The following SSUH2 variants were observed in gnomAD, a reference collection of about 807,000 sequenced individuals.
SSUH2 encodes protein SSUH2 homolog.
A neutral mutation model predicts 55.3 loss-of-function variants in SSUH2; 47 were observed. The observed-to-expected ratio is 0.85, with a 90% CI of 0.67 to 1.08. SSUH2 has a LOEUF of 1.08. Ranked by LOEUF, SSUH2 falls within the 50% of genes least tolerant of loss-of-function variation. The probability of loss-of-function intolerance (pLI) is 0.00; values close to 1 mark genes in which losing one functional copy is unlikely to be tolerated. For missense variants in SSUH2, 535 were observed against 490.7 expected, an observed-to-expected ratio of 1.09 and a Z score of -0.85; for synonymous variants, 212 against 191.5, an observed-to-expected ratio of 1.11 and a Z score of -0.89.
At chr3:8,665,657 G>A (rs114330735) in intron 5 of SSUH2, among the ~76,000 whole-genome samples, 5 of 152,208 alleles carry the variant, frequency 3.3e-5, no homozygotes, top group South Asian at 4.1e-4. Context: ...GTTCACCAAC[G>A]CAAAAGCCAA....
Position 8,635,290 on chromosome 3 carries a change from T to G in SSUH2, c.209+10A>C. On this transcript the variant is annotated intron_variant, in intron 3 of 11. Coordinates refer to ENST00000544814, the MANE Select transcript of SSUH2 (RefSeq NM_001256748.3). The stretch of plus-strand genomic sequence containing the variant: ...ATGCACACAGTCACAGAGTACAACC[T>G]GAAACTCACCTGTGTTCCAGGAACG... 6.5e-7 allele frequency: 1 copy of G among 1,533,852 alleles called. No individual in the cohort carries two copies. Among genetic ancestry groups the G allele is most frequent in the Non-Finnish European group, 8.7e-7 (1 of 1,145,328 alleles).
intron 1 of SSUH2, among the ~76,000 whole-genome samples, chr3:8,644,491 G>C (rs1701394123): frequency 6.6e-6 from 1 of 152,168 alleles, no homozygotes; most frequent in Non-Finnish European, 1.5e-5. Flanking sequence ...CAAGCTACAG[G>C]TAGGCTTTAC....
chr3:8,670,393 T>C (rs1190366982), intron 5 of SSUH2, among the ~76,000 whole-genome samples: 1 of 152,028 alleles, frequency 6.6e-6, no homozygotes, highest in Non-Finnish European at 1.5e-5. Flanking sequence ...ACACATGATG[T>C]ACACCACCTG....
chr3:8,656,519 C>T (rs987940024), intron 7 of SSUH2, among the ~76,000 whole-genome samples: 1 of 152,176 alleles, frequency 6.6e-6, no homozygotes, highest in Non-Finnish European at 1.5e-5. Flanking sequence ...AGGGACGGAG[C>T]AACAGCCATT....
chr3:8,633,562 A>T, intron 4 of SSUH2, 104 bp downstream of exon 4: 22 of 773,344 alleles, frequency 2.8e-5, no homozygotes, highest in Non-Finnish European at 4.4e-5. Context: ...TGCCCCCAGG[A>T]CTCCTTTCCC....
chr3:8,664,684 G>A (rs942938678), intron 5 of SSUH2, among the ~76,000 whole-genome samples: 1 of 152,172 alleles, frequency 6.6e-6, no homozygotes. Flanking sequence ...GCCCAGATCC[G>A]GCTCCCAGCT....
At chr3:8,669,853 TG>T (rs35261953) in intron 5 of SSUH2, among the ~76,000 whole-genome samples, 73,203 of 151,218 alleles carry the variant, frequency 0.48, 18,359 homozygotes, top group East Asian at 0.61. Flanking sequence ...GTTGAGGAAC[TG>T]TCACAGATCG....
chr3:8,635,418 G>T, intron 2 of SSUH2, 37 bp from the exon 3 acceptor site: 1 of 1,425,742 alleles, frequency 7.0e-7, no homozygotes, highest in East Asian at 2.5e-5. Flanking sequence ...GACAGCCCAG[G>T]CCAAAGGAAC....
At chr3:8,659,674 G>A in intron 6 of SSUH2, 1 of 426,986 alleles carries the variant, frequency 2.3e-6, no homozygotes, top group South Asian at 1.7e-5. Context: ...ACCCTCAATG[G>A]GCATGGGATC....
At chr3:8,634,084 G>C in intron 3 of SSUH2, 1 of 859,186 alleles carries the variant, frequency 1.2e-6, no homozygotes, top group South Asian at 1.8e-5. Flanking sequence ...CACAACCTTA[G>C]AGAGGAATTG....
At chr3:8,643,573 T>G (rs1395967001) in intron 1 of SSUH2, among the ~76,000 whole-genome samples, 1 of 152,222 alleles carries the variant, frequency 6.6e-6, no homozygotes, top group Non-Finnish European at 1.5e-5. Flanking sequence ...CAACAAAATT[T>G]AAATTGAGCT....
chr3:8,628,562 G>A (rs888239408), intron 7 of SSUH2, among the ~76,000 whole-genome samples: 5 of 152,166 alleles, frequency 3.3e-5, no homozygotes, highest in Non-Finnish European at 4.4e-5. Flanking sequence ...GTTAAGATGA[G>A]GTCATATGAC....
chr3:8,631,577 C>A (rs547065946), intron 5 of SSUH2, among the ~76,000 whole-genome samples: 7 of 152,064 alleles, frequency 4.6e-5, no homozygotes, highest in Non-Finnish European at 8.8e-5. Flanking sequence ...GAAGAATGGA[C>A]CTGAGCGGTC....
At chr3:8,673,235 AATT>A (rs1285506787) in intron 3 of SSUH2, among the ~76,000 whole-genome samples, 1 of 152,144 alleles carries the variant, frequency 6.6e-6, no homozygotes, top group African/African-American at 2.4e-5. Context: ...CTTTAATATG[AATT>A]ATCATTATTA....
At chr3:8,681,043 A>T (rs112678422) in intron 1 of SSUH2, among the ~76,000 whole-genome samples, 1 of 141,046 alleles carries the variant, frequency 7.1e-6, no homozygotes, top group Non-Finnish European at 1.6e-5. Context: ...ACTGAGAGCC[A>T]CCCCCTCTTC....
chr3:8,679,655 C>T lies in SSUH2; in HGVS notation c.-901+50G>A, dbSNP rs903248757. 3.1e-4 allele frequency: 64 copies of T among 203,558 alleles called. 1 individual carries two copies. Among genetic ancestry groups the T allele is most frequent in the Non-Finnish European group, 4.5e-4 (52 of 116,540 alleles). 12.6% of individuals were successfully genotyped at this position (203,558 alleles called of 1,614,324 possible). ...GGGAATGAGAGCCAGTGCCTCTTCC[C>T]CCCCTGGCTTAGGACCCCCATCGCG... On this transcript the variant is annotated intron_variant, in intron 2 of 18. Coordinates refer to the SSUH2 transcript ENST00000317371.
At chr3:8,665,910 T>C (rs530377588) in intron 5 of SSUH2, among the ~76,000 whole-genome samples, 1 of 152,304 alleles carries the variant, frequency 6.6e-6, no homozygotes, top group Non-Finnish European at 1.5e-5. Context: ...GCCAGCTTTT[T>C]TTAATGTTGA....
chr3:8,629,633 C>CTGACTCACCAGTGATTCACAGA, intron 7 of SSUH2, 31 bp downstream of exon 7: 1 of 1,587,726 alleles, frequency 6.3e-7, no homozygotes, highest in Non-Finnish European at 8.6e-7. Flanking sequence ...CACACCCTCA[C>CTGACTCACCAGTGATTCACAGA]TGACTCACCA....
rs756165544 is a variant in SSUH2 at position 8,629,061 on chromosome 3, G to A, written c.588+603C>T. Among the ~76,000 whole-genome samples the A allele has an allele frequency of 3.9e-5, 6 of 152,058 alleles. No individual in the cohort carries two copies. The East Asian group carries it at 5.8e-4, about 15-fold the overall frequency. ...TTTTTAGTAGAGACGGGGTTTCACC[G>A]TGTTAGCCCAGATGGTCTCGATCTC... On this transcript the variant is annotated intron_variant, in intron 7 of 11. Coordinates refer to ENST00000544814, the MANE Select transcript of SSUH2 (RefSeq NM_001256748.3).
Sources: allele counts gnomAD v4.1 joint callset (sites outside exome capture counted in the v4.1 genomes callset), GRCh38; gene constraint gnomAD v4.1.1; transcripts MANE v1.5; gene names NCBI Gene and HGNC (gene_info 2026-07-23, HGNC 2026-07-21).